ASCC2: variants seen among roughly 807,000 people sequenced by gnomAD.
ASCC2 encodes the protein ASC-1 complex subunit P100.
Under a neutral mutation model 93.5 loss-of-function variants are expected in ASCC2, and 42 were observed. The ratio of observed to expected loss-of-function variants is 0.45; its 90% CI spans 0.35 to 0.58. The LOEUF (loss-of-function observed/expected upper bound fraction) is 0.58. Ranked by LOEUF, ASCC2 falls within the 20% of genes least tolerant of loss-of-function variation. The pLI is 0.00. For missense variants in ASCC2, 859 were observed against 977.6 expected (o/e 0.88, Z 1.62); for synonymous variants, 364 against 384.2 (o/e 0.95, Z 0.62).
intron 4 of ASCC2, among the ~76,000 whole-genome samples, chr22:29,823,230 G>T (rs911677639): frequency 2.0e-5 from 3 of 151,390 alleles, no homozygotes; most frequent in Non-Finnish European, 4.4e-5. Context: ...GTAGAGACAG[G>T]GTTTTGCCAT....
At chr22:29,815,862 CAA>C in intron 6 of ASCC2, 142 bp downstream of exon 6, 2 of 698,948 alleles carry the variant, frequency 2.9e-6, no homozygotes, top group Non-Finnish European at 2.4e-6. Flanking sequence ...AGGGGTAAGA[CAA>C]AGAGACTGTC....
At chr22:29,809,531 G>A (rs2060058914) in intron 8 of ASCC2, among the ~76,000 whole-genome samples, 1 of 152,032 alleles carries the variant, frequency 6.6e-6, no homozygotes. Context: ...TGTAATCCCA[G>A]CACTGTGGGA....
At chr22:29,811,089 G>T (rs1234832071) in intron 8 of ASCC2, among the ~76,000 whole-genome samples, 3 of 152,140 alleles carry the variant, frequency 2.0e-5, no homozygotes, top group African/African-American at 7.2e-5. Context: ...CCATCTATGG[G>T]ATCTGGTATT....
intron 5 of ASCC2, among the ~76,000 whole-genome samples, chr22:29,820,053 C>T (rs2061366918): frequency 6.6e-6 from 1 of 151,724 alleles, no homozygotes; most frequent in African/African-American, 2.4e-5. Context: ...CAGGGTGTGG[C>T]TGTGTTTCCC....
At chr22:29,829,964 G>C (rs1429633169) in intron 2 of ASCC2, among the ~76,000 whole-genome samples, 2 of 152,124 alleles carry the variant, frequency 1.3e-5, no homozygotes, top group African/African-American at 2.4e-5. Flanking sequence ...AGACTAAAGG[G>C]ACAAATATAG....
intron 13 of ASCC2, 78 bp downstream of exon 13, chr22:29,804,560 G>T: frequency 3.9e-6 from 6 of 1,531,436 alleles, no homozygotes; most frequent in Non-Finnish European, 5.3e-6. Flanking sequence ...AAGAAGGGAG[G>T]TTTCCTGCTG....
chr22:29,821,068 GC>G (rs1227127032), intron 5 of ASCC2, among the ~76,000 whole-genome samples: 1 of 152,174 alleles, frequency 6.6e-6, no homozygotes, highest in Non-Finnish European at 1.5e-5. Flanking sequence ...TCTGTGCCAG[GC>G]CCAGCTCCAT....
Position 29,805,591 on chromosome 22 carries a change from A to C in ASCC2, c.1160+625T>G, listed in dbSNP as rs147955275. On this transcript the variant is annotated intron_variant, in intron 12 of 19. Transcript: ENST00000307790. ...CAAACTTCTTAGTGATGGTCACCCC[A>C]GGGCTGTGCACGTTGCTGGCCTTCA... Among the ~76,000 whole-genome samples the C allele has an allele frequency of 7.6e-3, 1,156 of 152,214 alleles. 16 individuals are homozygous for C. Among genetic ancestry groups the C allele is most frequent in the African/African-American group, 0.026 (1,092 of 41,544 alleles).
chr22:29,807,318 C>T (rs2059797599), intron 9 of ASCC2, among the ~76,000 whole-genome samples: 1 of 150,700 alleles, frequency 6.6e-6, no homozygotes, highest in Non-Finnish European at 1.5e-5. Context: ...CCAGCAGTTG[C>T]AGGTGCCTCC....
At position 29,822,443 on chromosome 22, in the gene ASCC2, C is replaced by T. The variant is rs2061678845; in HGVS notation, c.433G>A (p.Ala145Thr). ...ESKDHFISPS[A>T]FGEILYNNFL... ...TTATTGTAGAGGATTTCTCCAAACG[C>T]AGAAGGGGAAATGAAGTGATCCTAA... The change falls in exon 5 of 20, where the codon GCG (alanine) becomes ACG (threonine). Residue 145 changes from alanine (A) to threonine (T), a missense_variant. Ala to Thr is a moderately conservative substitution (Grantham distance 58, BLOSUM62 0). Transcript: ENST00000307790. 1.2e-6 allele frequency: 2 copies of T among 1,613,694 alleles called. No homozygotes were observed. The highest frequency in any genetic ancestry group is 1.7e-6 in the Non-Finnish European group (2 of 1,179,926).
chr22:29,806,413 G>A, intron 11 of ASCC2, 72 bp downstream of exon 11: 2 of 1,575,552 alleles, frequency 1.3e-6, no homozygotes, highest in African/African-American at 1.3e-5. Context: ...CCTATAGCGG[G>A]GGTCTATCAT....
intron 12 of ASCC2, among the ~76,000 whole-genome samples, chr22:29,805,611 C>A (rs1203269054): frequency 1.3e-5 from 2 of 152,148 alleles, no homozygotes; most frequent in East Asian, 3.9e-4. Flanking sequence ...ACGTTGCTGG[C>A]CTTCACCTCA....
In ASCC2 at chr22:29,825,775, G is replaced by C. The variant is rs537310404; in HGVS notation, c.87C>G (p.Pro29=). The change falls in exon 3 of 20, where the codon CCC becomes CCG. Residue 29 remains proline (P), a synonymous_variant. Coordinates refer to ENST00000307790, the MANE Select transcript of ASCC2 (RefSeq NM_032204.5). This position sits in a 1 kb window ranked among gnomAD's most constrained non-coding sequence, Gnocchi z 4.9. ...CAAAATACCGGTCTGCCTTCTGCTC[G>C]GGGTGCTACGGATCCAAAAACCACG... ...GKLRTSPALH[P]EQKADRYFVL... is the part of the protein sequence containing the mutation. 6 of 1,604,368 alleles carry C rather than the reference G, an allele frequency of 3.7e-6. No individual in the cohort carries two copies. In the Admixed American group the frequency reaches 5.1e-5, roughly 14 times the overall value.
At chr22:29,806,693 C>A in intron 10 of ASCC2, 104 bp downstream of exon 10, 1 of 1,423,580 alleles carries the variant, frequency 7.0e-7, no homozygotes, top group Non-Finnish European at 9.8e-7. Flanking sequence ...CTCTGTTCAG[C>A]CAACCCCAGT....
intron 5 of ASCC2, 163 bp downstream of exon 5, chr22:29,822,172 C>T: frequency 1.2e-6 from 1 of 833,534 alleles, no homozygotes; most frequent in Non-Finnish European, 1.9e-6. Context: ...ACTACCTAGT[C>T]ATTTTGAGGT....
intron 14 of ASCC2, 99 bp downstream of exon 14, chr22:29,801,895 G>A: frequency 9.8e-7 from 1 of 1,016,076 alleles, no homozygotes; most frequent in Non-Finnish European, 1.5e-6. Flanking sequence ...GAGAGAACAA[G>A]CTGAGTCCTG....
chr22:29,822,559 A>G (rs189964384), intron 4 of ASCC2, 95 bp from the exon 5 acceptor site: 9 of 1,453,914 alleles, frequency 6.2e-6, no homozygotes, highest in East Asian at 2.3e-5. Context: ...GGTTCCATCA[A>G]ATGGGGACTG....
chr22:29,804,979 G>C, intron 12 of ASCC2, 149 bp from the exon 13 acceptor site: 1 of 787,976 alleles, frequency 1.3e-6, no homozygotes, highest in East Asian at 2.6e-5. Context: ...CACCTGGGCT[G>C]CATGGAAAAA....
Position 29,788,921 on chromosome 22 carries a change from A to G in ASCC2, c.*92T>C, listed in dbSNP as rs974641618. The stretch of plus-strand genomic sequence containing the variant: ...TGAGGCTGTTGAGGGGTTGAGTTGA[A>G]CTTGGGGCCCCTAGTGAGGAGGCCC... On this transcript the variant is annotated 3_prime_UTR_variant, in exon 20 of 20. Coordinates refer to ENST00000307790, the MANE Select transcript of ASCC2 (RefSeq NM_032204.5). The G allele has an allele frequency of 8.5e-6, 13 of 1,537,108 alleles. No homozygotes were observed. The highest frequency in any genetic ancestry group is 1.2e-5 in the Non-Finnish European group (13 of 1,125,204).
Sources: allele counts gnomAD v4.1 joint callset (sites outside exome capture counted in the v4.1 genomes callset), GRCh38; gene constraint gnomAD v4.1.1; non-coding constraint Gnocchi (gnomAD v3.1); transcripts MANE v1.5; gene names NCBI Gene and HGNC (gene_info 2026-07-23, HGNC 2026-07-21).